PCDH11X: variants seen among roughly 807,000 people sequenced by gnomAD.
PCDH11X encodes protocadherin 11 X-linked.
In PCDH11X, 18 loss-of-function variants were observed where a neutral mutation model predicts 53.3. The ratio of observed to expected loss-of-function variants is 0.34; its 90% CI spans 0.23 to 0.50. The LOEUF (loss-of-function observed/expected upper bound fraction) is 0.50. PCDH11X is among the 20% of genes least tolerant of loss of function. The pLI, the probability that PCDH11X is intolerant of heterozygous loss-of-function variation, is 0.98. For missense variants in PCDH11X, 570 were observed against 1,032.4 expected, an observed-to-expected ratio of 0.55 and a Z score of 6.14; for synonymous variants, 279 against 393.3, an observed-to-expected ratio of 0.71 and a Z score of 3.44.
intron 8 of PCDH11X, among the ~76,000 whole-genome samples, chrX:92,289,732 A>G (rs186020969): frequency 3.0e-4 from 33 of 111,121 alleles, no homozygotes; most frequent in African/African-American, 1.1e-3. Context: ...TACTGTGTAG[A>G]CTCAGTAATA....
At chrX:92,059,271 A>G (rs2063493580) in intron 6 of PCDH11X, among the ~76,000 whole-genome samples, 1 of 110,505 alleles carries the variant, frequency 9.0e-6, no homozygotes, top group South Asian at 3.8e-4. Context: ...AATGATACCA[A>G]CTCATATTGT....
At chrX:91,825,334 G>A (rs1312837450) in intron 4 of PCDH11X, among the ~76,000 whole-genome samples, 3 of 111,214 alleles carry the variant, frequency 2.7e-5, no homozygotes, top group Non-Finnish European at 5.7e-5. Context: ...GAGACTCCGT[G>A]GGCGTAGGAC....
chrX:92,440,890 A>G (rs1293556339), intron 9 of PCDH11X, among the ~76,000 whole-genome samples: 2 of 111,366 alleles, frequency 1.8e-5, no homozygotes, highest in African/African-American at 6.5e-5. Flanking sequence ...AAAATGTGGG[A>G]AAGTTTGGAA....
At chrX:92,154,713 G>T (rs36068450) in intron 6 of PCDH11X, among the ~76,000 whole-genome samples, 37,204 of 108,149 alleles carry the variant, frequency 0.34, 5,380 homozygotes, top group Non-Finnish European at 0.45. Flanking sequence ...AGCTCGCCCG[G>T]CAGGCCATTG....
chrX:92,189,773 G>A (rs749765179), intron 6 of PCDH11X, among the ~76,000 whole-genome samples: 1 of 111,742 alleles, frequency 8.9e-6, no homozygotes, highest in South Asian at 3.7e-4. Flanking sequence ...GGCGTGACAT[G>A]GTATCTCATT....
At chrX:91,966,763 A>T (rs1265090527) in intron 6 of PCDH11X, among the ~76,000 whole-genome samples, 3 of 111,564 alleles carry the variant, frequency 2.7e-5, no homozygotes, top group Non-Finnish European at 5.7e-5. Context: ...TTTATTGCAT[A>T]AAAAAAAGAA....
chrX:92,102,433 G>T (rs34788950), intron 6 of PCDH11X, among the ~76,000 whole-genome samples: 58 of 109,168 alleles, frequency 5.3e-4, no homozygotes, highest in African/African-American at 1.7e-3. Flanking sequence ...CTGACCGCAC[G>T]AACCATGCCT....
rs770290532 is a variant in PCDH11X at position 92,130,808 on chromosome X, A to G, written c.3034-70567A>G. Among the ~76,000 whole-genome samples, 630 of 111,275 alleles carry G rather than the reference A, an allele frequency of 5.7e-3. 2 individuals carry two copies. The highest frequency in any genetic ancestry group is 9.6e-3 in the Non-Finnish European group (508 of 53,077). On this transcript the variant is annotated intron_variant, in intron 6 of 10. Coordinates refer to ENST00000682573, the MANE Select transcript of PCDH11X (RefSeq NM_032968.5). The stretch of plus-strand genomic sequence containing the variant: ...CTTTGTGATAAGAATATATAATTTT[A>G]TGTTAATGGAACCCATTTTATATGA...
Position 92,405,956 on chromosome X carries a change from G to A in PCDH11X, c.3343+18023G>A, listed in dbSNP as rs757014194. Reference sequence around the variant, plus strand: ...AAAAAATACAAAAAATTAGCTGGGCGTGGTGGCGGGCGCCTGTAGTCCCAG... The same window carrying A: ...AAAAAATACAAAAAATTAGCTGGGCATGGTGGCGGGCGCCTGTAGTCCCAG... On this transcript the variant is annotated intron_variant, in intron 9 of 10. Coordinates refer to ENST00000682573, the MANE Select transcript of PCDH11X (RefSeq NM_032968.5). Among the ~76,000 whole-genome samples, 706 of 109,035 alleles carry A rather than the reference G, an allele frequency of 6.5e-3. 1 individual carries two copies. The highest frequency in any genetic ancestry group is 0.01 in the Non-Finnish European group (544 of 52,388). The allele number at this position is 109,035 out of a possible 115,157, so 94.7% of individuals were successfully genotyped here. A position where few individuals can be genotyped will look rare whatever the true frequency, so the allele number is the denominator to read the frequency against.
chrX:92,265,828 A>G (rs1397529682), intron 8 of PCDH11X, among the ~76,000 whole-genome samples: 1 of 112,166 alleles, frequency 8.9e-6, no homozygotes, highest in Non-Finnish European at 1.9e-5. Context: ...CGTAAAACAA[A>G]TACTTTCTTT....
intron 6 of PCDH11X, among the ~76,000 whole-genome samples, chrX:91,926,529 A>T (rs1378107858): frequency 9.0e-6 from 1 of 111,410 alleles, no homozygotes; most frequent in African/African-American, 3.3e-5. Flanking sequence ...TTTATTTTTA[A>T]CTATTGTAGA....
At chrX:92,399,898 C>G (rs1351184001) in intron 9 of PCDH11X, among the ~76,000 whole-genome samples, 1 of 82,835 alleles carries the variant, frequency 1.2e-5, no homozygotes, top group Non-Finnish European at 2.3e-5. Context: ...CTGGCCACCA[C>G]GCCCGGCTAA....
At chrX:92,191,128 T>TA (rs1175812469) in intron 6 of PCDH11X, among the ~76,000 whole-genome samples, 4 of 112,042 alleles carry the variant, frequency 3.6e-5, no homozygotes, top group African/African-American at 1.3e-4. Context: ...ACATGGATTC[T>TA]ATTTTGTTGT....
intron 5 of PCDH11X, among the ~76,000 whole-genome samples, chrX:91,868,095 C>CA (rs1357606383): frequency 9.0e-6 from 1 of 111,648 alleles, no homozygotes; most frequent in Admixed American, 9.5e-5. Context: ...ATAACAACAA[C>CA]AAAAAATCTA....
chrX:92,048,184 T>C (rs1481190811), intron 6 of PCDH11X, among the ~76,000 whole-genome samples: 1 of 106,575 alleles, frequency 9.4e-6, no homozygotes, highest in Non-Finnish European at 1.9e-5. Flanking sequence ...CAGGAACACA[T>C]CATTTCAAAA....
chrX:92,132,657 G>GTA (rs780377449), intron 6 of PCDH11X, among the ~76,000 whole-genome samples: 26 of 54,388 alleles, frequency 4.8e-4, no homozygotes, highest in Non-Finnish European at 7.5e-4. Flanking sequence ...ATATATATAT[G>GTA]TATATATATA....
At position 92,512,391 on chromosome X, in the gene PCDH11X, G is replaced by C. The variant is rs138249492; in HGVS notation, c.3367+44069G>C. Among the ~76,000 whole-genome samples, 329 of 111,016 alleles carry C rather than the reference G, an allele frequency of 3.0e-3. 2 individuals are homozygous for C. Among genetic ancestry groups the C allele is most frequent in the African/African-American group, 0.01 (314 of 30,553 alleles). ...CATATTAATACTGGGAACTATTTGG[G>C]GACATAATATAATGATAATAAATTC... On this transcript the variant is annotated intron_variant, in intron 10 of 10. Coordinates refer to ENST00000682573, the MANE Select transcript of PCDH11X (RefSeq NM_032968.5).
At chrX:92,280,712 G>A (rs1433147970) in intron 8 of PCDH11X, among the ~76,000 whole-genome samples, 4 of 109,495 alleles carry the variant, frequency 3.7e-5, no homozygotes, top group Non-Finnish European at 7.6e-5. Context: ...AAACTAGGTA[G>A]AAAATGAGGA....
chrX:92,577,574 T>C (rs1418525412), intron 10 of PCDH11X, among the ~76,000 whole-genome samples: 2 of 110,283 alleles, frequency 1.8e-5, no homozygotes, highest in Non-Finnish European at 3.8e-5. Flanking sequence ...AGTTATTTCT[T>C]GTCTTCTGCT....
Sources: allele counts gnomAD v4.1 joint callset (sites outside exome capture counted in the v4.1 genomes callset), GRCh38; gene constraint gnomAD v4.1.1; transcripts MANE v1.5; gene names NCBI Gene and HGNC (gene_info 2026-07-23, HGNC 2026-07-21).